ATP7B: variants seen among roughly 807,000 people sequenced by gnomAD.
ATP7B encodes the protein ATPase copper transporting beta, also known as copper-transporting ATPase 2.
ATP7B carries 113 observed loss-of-function variants against 118.9 expected under a neutral mutation model. The ratio of observed to expected loss-of-function variants is 0.95; its 90% confidence interval spans 0.82 to 1.11. The LOEUF (loss-of-function observed/expected upper bound fraction) is 1.11. Ranked by LOEUF, ATP7B falls within the 50% of genes most tolerant of loss-of-function variation. ATP7B has a pLI of 0.00. For synonymous variants in ATP7B, 777 were observed against 727.4 expected, an observed-to-expected ratio of 1.07 and a Z score of -1.10; for missense variants, 1,867 against 1,871.4, an observed-to-expected ratio of 1.00 and a Z score of 0.04.
chr13:51,955,786 A>G, intron 9 of ATP7B, among the ~76,000 whole-genome samples: 1 of 151,206 alleles, frequency 6.6e-6, no homozygotes, highest in African/African-American at 2.4e-5. Flanking sequence ...TTATAAGAGA[A>G]GAAAAAAAAA....
intron 7 of ATP7B, chr13:51,959,712 C>A: frequency 4.9e-6 from 1 of 202,818 alleles, no homozygotes; most frequent in South Asian, 9.5e-5. Flanking sequence ...TTATAACTTC[C>A]TGAAAGACAA....
rs756958229 is a variant in ATP7B at position 51,961,908 on chromosome 13, A to T, written c.1875T>A (p.Ile625=). The change falls in exon 6 of 21, where the codon ATT becomes ATA. Residue 625 remains isoleucine, a synonymous_variant. Coordinates refer to ENST00000242839, the MANE Select transcript of ATP7B (RefSeq NM_000053.4). ...TCTGGGCCAGGGAAGCATGAAAGCC[A>T]ATTTCCTTGTCATTAAAAAGAGAGG... ...PRDIIKIIEE[I]GFHASLAQRN... 1 of 1,613,630 alleles carries T rather than the reference A, an allele frequency of 6.2e-7. No homozygotes were observed. The highest frequency in any genetic ancestry group is 2.2e-5 in the East Asian group (1 of 44,876).
At chr13:51,984,931 A>C (rs1952583127) in intron 1 of ATP7B, among the ~76,000 whole-genome samples, 1 of 152,182 alleles carries the variant, frequency 6.6e-6, no homozygotes, top group Admixed American at 6.5e-5. Context: ...TAAACATGGA[A>C]AGGAACAACT....
At chr13:51,965,458 C>T (rs948298017) in intron 4 of ATP7B, among the ~76,000 whole-genome samples, 2 of 152,166 alleles carry the variant, frequency 1.3e-5, no homozygotes, top group African/African-American at 2.4e-5. Context: ...TGCTGGCATG[C>T]GGTCTGCAGC....
chr13:51,974,046 C>A lies in ATP7B; in HGVS notation c.1174G>T (p.Val392Leu), dbSNP rs757682276. 20 of 1,614,086 alleles carry A rather than the reference C, an allele frequency of 1.2e-5. No individual in the cohort carries two copies. The highest frequency in any genetic ancestry group is 1.6e-5 in the Non-Finnish European group (19 of 1,180,058). The change falls in exon 2 of 21, where the codon GTG becomes TTG. Residue 392 changes from valine to leucine, a missense_variant. Coordinates refer to ENST00000242839, the MANE Select transcript of ATP7B (RefSeq NM_000053.4). ...SQLEGVQQIS[V>L]SLAEGTATVL... is the part of the protein sequence containing the mutation. ...GTTGCAGTCCCTTCGGCCAAAGACA[C>A]CGATATTTGCTGCACCCCTTCCAGT...
chr13:51,992,092 T>C (rs1266088929), intron 1 of ATP7B, among the ~76,000 whole-genome samples: 2 of 151,272 alleles, frequency 1.3e-5, no homozygotes, highest in Non-Finnish European at 2.9e-5. Context: ...GATTTCATTC[T>C]ACATTGTACA....
At chr13:51,999,550 A>G (rs1193427590) in intron 1 of ATP7B, among the ~76,000 whole-genome samples, 1 of 152,208 alleles carries the variant, frequency 6.6e-6, no homozygotes, top group Non-Finnish European at 1.5e-5. Flanking sequence ...AAAGAGAAAC[A>G]ATGGGATTAT....
chr13:51,968,621 G>A lies in ATP7B; in HGVS notation c.1544-14C>T, dbSNP rs1274689240. On this transcript the variant is annotated splice_polypyrimidine_tract_variant and intron_variant, in intron 3 of 20. Transcript: ENST00000242839. ...CGGAGAGAACACCTGGAACCATCAG[G>A]TCATGGCTGTAACACTCTGGGTGGG... 1 of 1,613,858 alleles carries A rather than the reference G, an allele frequency of 6.2e-7. No individual in the cohort carries two copies. The highest frequency in any genetic ancestry group is 1.3e-5 in the African/African-American group (1 of 75,014).
chr13:51,974,453 A>G lies in ATP7B; in HGVS notation c.767T>C (p.Val256Ala). Residue 256 changes from valine to alanine, a missense_variant, in exon 2 of 21, where the codon GTG becomes GCG. Coordinates refer to ENST00000242839, the MANE Select transcript of ATP7B (RefSeq NM_000053.4). ...ATCTATTCTCAGTTGGAGGGTGACC[A>G]CATGGCTTCCTTGGTGCCCCAAGGT... ...SETLGHQGSH[V>A]VTLQLRIDGM... 6.2e-7 allele frequency: 1 copy of G among 1,614,122 alleles called. No homozygotes were observed. The highest frequency in any genetic ancestry group is 8.5e-7 in the Non-Finnish European group (1 of 1,180,006).
Position 51,950,356 on chromosome 13 carries a change from C to T in ATP7B, c.2491G>A (p.Val831Ile), listed in dbSNP as rs374592960. ...PMELVQRGDI[V>I]KVVPGGKFPV... is the part of the protein sequence containing the mutation. The stretch of plus-strand genomic sequence containing the variant: ...AACTTTCCCCCAGGGACCACCTTGA[C>T]GATATCGCCCCGCTGCACCAGCTCC... The change falls in exon 10 of 21, where the codon GTC (valine) becomes ATC (isoleucine). Residue 831 changes from valine to isoleucine, a missense_variant. Coordinates refer to ENST00000242839, the MANE Select transcript of ATP7B (RefSeq NM_000053.4). 1.6e-5 allele frequency: 26 copies of T among 1,614,084 alleles called. No homozygotes were observed. Among genetic ancestry groups the T allele is most frequent in the South Asian group, 4.4e-5 (4 of 91,084 alleles).
chr13:51,945,606 G>T (rs1408320786), intron 13 of ATP7B, among the ~76,000 whole-genome samples: 1 of 152,158 alleles, frequency 6.6e-6, no homozygotes, highest in Non-Finnish European at 1.5e-5. Context: ...AGTGTCCCCA[G>T]GACGTCAAGC....
intron 8 of ATP7B, 127 bp downstream of exon 8, chr13:51,958,184 G>A: frequency 2.7e-6 from 3 of 1,109,404 alleles, no homozygotes; most frequent in Middle Eastern, 2.7e-4. Context: ...ATTATATGGA[G>A]GTTTCCTATT....
At chr13:51,964,000 A>G (rs61957454) in intron 5 of ATP7B, among the ~76,000 whole-genome samples, 15,070 of 151,644 alleles carry the variant, frequency 0.099, 971 homozygotes, top group African/African-American at 0.18. Flanking sequence ...GCAGTGAGCC[A>G]AAATCATGCC....
intron 1 of ATP7B, among the ~76,000 whole-genome samples, chr13:51,996,793 T>C (rs1354514174): frequency 6.6e-6 from 1 of 152,226 alleles, no homozygotes; most frequent in Non-Finnish European, 1.5e-5. Flanking sequence ...ATCCTGCTGC[T>C]TCTTACCACA....
intron 1 of ATP7B, among the ~76,000 whole-genome samples, chr13:52,007,516 T>C (rs1022204889): frequency 6.6e-6 from 1 of 152,236 alleles, no homozygotes; most frequent in Non-Finnish European, 1.5e-5. Flanking sequence ...TCTTCTGTAC[T>C]GTTTCCACTC....
At chr13:51,964,711 C>A in intron 5 of ATP7B, 161 bp downstream of exon 5, 1 of 768,220 alleles carries the variant, frequency 1.3e-6, no homozygotes, top group Non-Finnish European at 2.0e-6. Context: ...TATTTACTTA[C>A]CTGCAGTTTA....
intron 1 of ATP7B, among the ~76,000 whole-genome samples, chr13:52,010,503 C>T (rs1361699043): frequency 1.3e-5 from 2 of 152,194 alleles, no homozygotes; most frequent in African/African-American, 4.8e-5. Flanking sequence ...AACTATGATG[C>T]GTCCAAACTG....
chr13:51,990,220 T>C (rs1952843307), intron 1 of ATP7B, among the ~76,000 whole-genome samples: 1 of 152,048 alleles, frequency 6.6e-6, no homozygotes. Flanking sequence ...GAAAGCTAAA[T>C]TTTGCCTAAT....
intron 1 of ATP7B, among the ~76,000 whole-genome samples, chr13:51,993,557 T>C (rs956498573): frequency 3.3e-5 from 5 of 151,942 alleles, no homozygotes; most frequent in South Asian, 2.1e-4. Flanking sequence ...CAAGAGACCA[T>C]GTCCCAAAAT....
Sources: allele counts gnomAD v4.1 joint callset (sites outside exome capture counted in the v4.1 genomes callset), GRCh38; gene constraint gnomAD v4.1.1; transcripts MANE v1.5; gene names NCBI Gene and HGNC (gene_info 2026-07-23, HGNC 2026-07-21).